FNDC1: variants seen among roughly 807,000 people sequenced by gnomAD.
FNDC1 encodes fibronectin type III domain containing 1.
In FNDC1, 96 loss-of-function variants were observed where a neutral mutation model predicts 168.0. The observed-to-expected ratio is 0.57, with a 90% CI of 0.48 to 0.68. FNDC1 has a LOEUF of 0.68. Among genes scored for constraint, FNDC1 ranks in the 30% least tolerant of loss-of-function variants. FNDC1 has a pLI of 0.00. For synonymous variants in FNDC1, 1,099 were observed against 1,025.9 expected (o/e 1.07, Z -1.36); for missense variants, 2,587 against 2,482.1 (o/e 1.04, Z -0.90).
intron 12 of FNDC1, among the ~76,000 whole-genome samples, chr6:159,237,037 G>GTACAT: frequency 6.6e-6 from 1 of 152,232 alleles, no homozygotes; most frequent in Middle Eastern, 3.4e-3. Flanking sequence ...TAATGATAAG[G>GTACAT]TTTAGGGAAA....
At chr6:159,261,919 C>G (rs1296199773) in intron 19 of FNDC1, among the ~76,000 whole-genome samples, 1 of 150,120 alleles carries the variant, frequency 6.7e-6, no homozygotes, top group East Asian at 1.9e-4. Flanking sequence ...TTGAGCAACA[C>G]AGGGAGGTCC....
rs191870778 is a variant in FNDC1 at position 159,244,577 on chromosome 6, C to G, written c.4622-2324C>G. Among the ~76,000 whole-genome samples the G allele has an allele frequency of 1.5e-4, 23 of 152,304 alleles. No homozygotes were observed. In the East Asian group the frequency reaches 4.4e-3, roughly 29 times the overall value. ...CAATGTAATATTCATGTCATTCAAA[C>G]TAGGCTAAAAAGGCTGGTAGAATAA... On this transcript the variant is annotated intron_variant, in intron 14 of 22. Coordinates refer to ENST00000297267, the MANE Select transcript of FNDC1 (RefSeq NM_032532.3).
At chr6:159,212,032 C>A (rs1007040137) in intron 4 of FNDC1, among the ~76,000 whole-genome samples, 1 of 152,214 alleles carries the variant, frequency 6.6e-6, no homozygotes, top group African/African-American at 2.4e-5. Flanking sequence ...GCCAGTGGCA[C>A]AAATCCGGAG....
intron 11 of FNDC1, among the ~76,000 whole-genome samples, chr6:159,234,782 C>T (rs1365066284): frequency 6.6e-6 from 1 of 152,238 alleles, no homozygotes; most frequent in Non-Finnish European, 1.5e-5. Flanking sequence ...CCCACATTGC[C>T]TCTAATTCCA....
rs762663684 is a variant in FNDC1, at chr6:159,232,275, T to G, written c.1763T>G (p.Met588Arg). The change falls in exon 11 of 23, where the codon ATG (methionine) becomes AGG (arginine). Residue 588 changes from methionine to arginine, a missense_variant. Met to Arg is a moderately conservative substitution (Grantham distance 91). Transcript: ENST00000297267. This position sits in a 1 kb window ranked among gnomAD's most constrained non-coding sequence, Gnocchi z 4.9. ...APGRTAVRARMPALPRREGVD... is the reference protein window; with the variant it reads ...APGRTAVRARRPALPRREGVD... ...GGCAGGACTGCAGTGAGGGCCCGGA[T>G]GCCAGCGCTGCCCCGAAGGGAAGGC... is the stretch of plus-strand genomic sequence containing the variant. 3.7e-6 allele frequency: 6 copies of G among 1,610,690 alleles called. No homozygotes were observed. Among genetic ancestry groups the G allele is most frequent in the Non-Finnish European group, 3.4e-6 (4 of 1,178,446 alleles).
At chr6:159,259,132 C>T (rs1017189863) in intron 18 of FNDC1, among the ~76,000 whole-genome samples, 7 of 152,096 alleles carry the variant, frequency 4.6e-5, no homozygotes, top group African/African-American at 1.7e-4. Flanking sequence ...TATAAGAAGG[C>T]GAGGCATGGA....
intron 21 of FNDC1, 145 bp from the exon 22 acceptor site, chr6:159,267,659 C>G: frequency 1.3e-6 from 1 of 789,930 alleles, no homozygotes; most frequent in South Asian, 1.9e-5. Context: ...GCCATTATCA[C>G]CATTTTCAGA....
rs1783103600 is a variant in FNDC1, at chr6:159,232,269, C to T, written c.1757C>T (p.Ala586Val). 2 of 1,610,694 alleles carry T rather than the reference C, an allele frequency of 1.2e-6. No individual in the cohort carries two copies. The highest frequency in any genetic ancestry group is 1.7e-6 in the Non-Finnish European group (2 of 1,178,470). The change falls in exon 11 of 23, where the codon GCC becomes GTC. Residue 586 changes from alanine (A) to valine (V), a missense_variant. Ala to Val is a moderately conservative substitution (Grantham distance 64, BLOSUM62 0). Coordinates refer to ENST00000297267, the MANE Select transcript of FNDC1 (RefSeq NM_032532.3). The surrounding 1 kb of genome is among the most constrained non-coding windows in gnomAD (Gnocchi z 4.9). Reference protein sequence around the residue: ...VVAPGRTAVRARMPALPRREG... With the variant: ...VVAPGRTAVRVRMPALPRREG... ...GCTCCCGGCAGGACTGCAGTGAGGG[C>T]CCGGATGCCAGCGCTGCCCCGAAGG... is the stretch of plus-strand genomic sequence containing the variant.
At chr6:159,210,340 C>T (rs1031982620) in intron 4 of FNDC1, among the ~76,000 whole-genome samples, 16 of 152,186 alleles carry the variant, frequency 1.1e-4, no homozygotes, top group African/African-American at 3.9e-4. Context: ...CTTCGGCTTC[C>T]TGCTGTCTGG....
At chr6:159,229,214 T>C (rs972852289) in intron 9 of FNDC1, among the ~76,000 whole-genome samples, 1 of 152,218 alleles carries the variant, frequency 6.6e-6, no homozygotes, top group Non-Finnish European at 1.5e-5. Context: ...ACATTAGCTA[T>C]CACATAAATC....
intron 16 of FNDC1, among the ~76,000 whole-genome samples, chr6:159,249,506 A>G (rs1415922808): frequency 6.6e-6 from 1 of 152,216 alleles, no homozygotes; most frequent in African/African-American, 2.4e-5. Context: ...CAGTTTTTCT[A>G]CGACAAGACT....
At chr6:159,240,110 C>G (rs1783387024) in intron 14 of FNDC1, among the ~76,000 whole-genome samples, 153 bp downstream of exon 14, 2 of 152,192 alleles carry the variant, frequency 1.3e-5, no homozygotes, top group Non-Finnish European at 1.5e-5. Context: ...GTTTGTTTGA[C>G]AGTACCATGC....
Position 159,215,123 on chromosome 6 carries a change from T to G in FNDC1, c.639T>G (p.Asp213Glu). ...RKMNYVPLTR[D>E]ERTHEIKKLA... is the part of the protein sequence containing the mutation. Reference sequence around the variant, plus strand: ...TGAATTATGTTCCACTGACAAGAGATGAACGGACACACGAAATTAAAAAGC... The same window carrying G: ...TGAATTATGTTCCACTGACAAGAGAGGAACGGACACACGAAATTAAAAAGC... Residue 213 changes from aspartate (D) to glutamate (E), a missense_variant, in exon 5 of 23, where the codon GAT becomes GAG. By Grantham distance (45) the Asp-to-Glu change is conservative. Coordinates refer to ENST00000297267, the MANE Select transcript of FNDC1 (RefSeq NM_032532.3). 1 of 1,613,900 alleles carries G rather than the reference T, an allele frequency of 6.2e-7. No homozygotes were observed. Among genetic ancestry groups the G allele is most frequent in the Non-Finnish European group, 8.5e-7 (1 of 1,179,762 alleles).
intron 1 of FNDC1, among the ~76,000 whole-genome samples, chr6:159,193,251 A>G (rs1782175229): frequency 6.6e-6 from 1 of 152,158 alleles, no homozygotes; most frequent in South Asian, 2.1e-4. Context: ...ATGTCTGACA[A>G]TGTGGAGCCT....
At chr6:159,239,418 T>C in intron 13 of FNDC1, 99 bp from the exon 14 acceptor site, 1 of 1,066,868 alleles carries the variant, frequency 9.4e-7, no homozygotes, top group Non-Finnish European at 1.3e-6. Flanking sequence ...GATTAAAACA[T>C]GATAATACAT....
intron 14 of FNDC1, among the ~76,000 whole-genome samples, chr6:159,245,303 G>T (rs547468448): frequency 6.6e-6 from 1 of 152,124 alleles, no homozygotes; most frequent in Non-Finnish European, 1.5e-5. Flanking sequence ...TATCTCAAGC[G>T]TTTGTTGTGA....
intron 5 of FNDC1, among the ~76,000 whole-genome samples, chr6:159,216,404 A>G (rs548212374): frequency 6.6e-6 from 1 of 152,284 alleles, no homozygotes; most frequent in African/African-American, 2.4e-5. Context: ...TGTGACTGGA[A>G]GAGATTATGT....
rs992167614 is a variant in FNDC1 at position 159,200,520 on chromosome 6, A to G, written c.399A>G (p.Glu133=). 6.3e-6 allele frequency: 10 copies of G among 1,598,078 alleles called. No individual in the cohort carries two copies. The highest frequency in any genetic ancestry group is 4.6e-5 in the South Asian group (4 of 87,860). Residue 133 remains glutamate, a synonymous_variant, in exon 4 of 23, where the codon GAA becomes GAG. Transcript: ENST00000297267. The part of the protein sequence containing the change: ...VYRAESPPGG[E]WIEIDGFPIK... ...TGCATTTCCCTAATTTAGGAGGTGAATGGATCGAGATTGATGGTTTTCCCA... is the reference window on the plus strand; with the variant it reads ...TGCATTTCCCTAATTTAGGAGGTGAGTGGATCGAGATTGATGGTTTTCCCA...
intron 1 of FNDC1, among the ~76,000 whole-genome samples, chr6:159,186,370 A>G (rs1050215966): frequency 6.6e-6 from 1 of 152,232 alleles, no homozygotes; most frequent in African/African-American, 2.4e-5. Context: ...CTTTGTCCAT[A>G]AGGAGCCATT....
Sources: gnomAD v4.1 joint callset for allele counts (sites outside exome capture counted in the v4.1 genomes callset) on GRCh38, gnomAD v4.1.1 for gene constraint, Gnocchi (gnomAD v3.1) non-coding constraint, MANE v1.5 for transcripts, NCBI Gene and HGNC (gene_info 2026-07-23, HGNC 2026-07-21) for gene names.